RBFOX1: variants seen among roughly 807,000 people sequenced by gnomAD.
RBFOX1 encodes RNA binding protein fox-1 homolog 1.
RBFOX1 carries 8 observed loss-of-function variants against 57.7 expected under a neutral mutation model. That is an observed-to-expected ratio of 0.14 (90% CI 0.08 to 0.25). RBFOX1 has a LOEUF of 0.25. Among genes scored for constraint, RBFOX1 ranks in the 10% least tolerant of loss-of-function variants. RBFOX1 has a pLI of 1.00. For missense variants in RBFOX1, 611 were observed against 548.5 expected, an observed-to-expected ratio of 1.11 and a Z score of -1.14; for synonymous variants, 326 against 222.4, an observed-to-expected ratio of 1.47 and a Z score of -4.15.
At chr16:6,574,424 A>ATTTTTTT (rs34505014) in intron 2 of RBFOX1, among the ~76,000 whole-genome samples, 17 of 89,930 alleles carry the variant, frequency 1.9e-4, no homozygotes, top group East Asian at 3.6e-4. Context: ...CGTATCTTCT[A>ATTTTTTT]TTTTTTTTTT....
chr16:6,483,211 G>C, intron 2 of RBFOX1: 4 of 1,208,696 alleles, frequency 3.3e-6, no homozygotes, highest in Non-Finnish European at 4.1e-6. Flanking sequence ...AGGCCGGCCG[G>C]GGAAGCCGGA....
At chr16:7,015,391 A>C (rs988806038) in intron 3 of RBFOX1, among the ~76,000 whole-genome samples, 1 of 152,190 alleles carries the variant, frequency 6.6e-6, no homozygotes, top group Non-Finnish European at 1.5e-5. Context: ...TGGCAAAAAC[A>C]AAGAAACTTG....
rs147609677 is a variant in RBFOX1, at chr16:5,961,966, T to A, written c.351+94631T>A. 4.0e-3 allele frequency among the ~76,000 whole-genome samples: 612 copies of A among 152,330 alleles called. 6 individuals carry two copies. The highest frequency in any genetic ancestry group is 0.031 in the Middle Eastern group (9 of 294). On this transcript the variant is annotated intron_variant, in intron 4 of 19. Transcript: ENST00000641259. ...GATCCAGAAACAGGTAGGCTTTGATTAGTGTGGTAGCTCGATGAAGGTATT... is the reference window on the plus strand; with the variant it reads ...GATCCAGAAACAGGTAGGCTTTGATAAGTGTGGTAGCTCGATGAAGGTATT...
intron 4 of RBFOX1, among the ~76,000 whole-genome samples, chr16:7,467,307 C>T (rs1032545337): frequency 1.3e-5 from 2 of 152,082 alleles, no homozygotes; most frequent in African/African-American, 4.8e-5. Flanking sequence ...ATGGCTGTTG[C>T]AGGGGGTCTC....
At chr16:5,745,292 A>G (rs565833086) in intron 3 of RBFOX1, among the ~76,000 whole-genome samples, 10 of 152,348 alleles carry the variant, frequency 6.6e-5, no homozygotes, top group Non-Finnish European at 1.0e-4. Context: ...TTATGGCTGC[A>G]TAGTATCCCA....
intron 4 of RBFOX1, among the ~76,000 whole-genome samples, chr16:7,340,045 T>C (rs1004825572): frequency 2.6e-5 from 4 of 152,224 alleles, no homozygotes; most frequent in African/African-American, 9.6e-5. Context: ...TGCAGTCTCA[T>C]TGGTAGATCT....
chr16:6,231,062 C>G (rs1170796454), intron 1 of RBFOX1, among the ~76,000 whole-genome samples: 1 of 152,060 alleles, frequency 6.6e-6, no homozygotes. Flanking sequence ...CAGATAGAAA[C>G]TAATTAAAGA....
intron 4 of RBFOX1, among the ~76,000 whole-genome samples, chr16:7,084,737 C>T (rs896344774): frequency 1.3e-5 from 2 of 152,192 alleles, no homozygotes; most frequent in African/African-American, 2.4e-5. Context: ...CTGTAACTCT[C>T]ATTGCAGAAA....
chr16:7,456,603 A>G (rs1162391972), intron 4 of RBFOX1, among the ~76,000 whole-genome samples: 1 of 152,172 alleles, frequency 6.6e-6, no homozygotes, highest in East Asian at 1.9e-4. Flanking sequence ...GTTGCAGGCA[A>G]GGGGGTATTG....
chr16:6,641,758 AAAAAAAAAAAAAAAAAAAAAT>A (rs1432748985), intron 2 of RBFOX1, among the ~76,000 whole-genome samples: 5 of 23,524 alleles, frequency 2.1e-4, no homozygotes, highest in Admixed American at 5.6e-4. Context: ...AAAAAAAAAA[AAAAAAAAAAAAAAAAAAAAAT>A]AGGTTCTGCC....
At chr16:7,498,895 G>A (rs553501393) in intron 4 of RBFOX1, among the ~76,000 whole-genome samples, 6 of 152,178 alleles carry the variant, frequency 3.9e-5, no homozygotes, top group Non-Finnish European at 7.3e-5. Flanking sequence ...CTCCTCTGAA[G>A]TGTTAGTGTA....
intron 1 of RBFOX1, among the ~76,000 whole-genome samples, chr16:6,197,070 C>T (rs534187124): frequency 3.9e-5 from 6 of 152,196 alleles, no homozygotes; most frequent in South Asian, 2.1e-4. Flanking sequence ...TAAAAATGTC[C>T]ACCTAGCCAG....
In RBFOX1 at chr16:7,524,257, A is replaced by G. The variant is rs555314168; in HGVS notation, c.270+5868A>G. Reference sequence around the variant, plus strand: ...TTAACACAAAGTGCAGAATCTGTAAAAGGGAAGGAGGATGCACCCAGAGCT... The same window carrying G: ...TTAACACAAAGTGCAGAATCTGTAAGAGGGAAGGAGGATGCACCCAGAGCT... On this transcript the variant is annotated intron_variant, in intron 5 of 15. Coordinates refer to ENST00000550418, the MANE Select transcript of RBFOX1 (RefSeq NM_018723.4). 1.3e-3 allele frequency among the ~76,000 whole-genome samples: 199 copies of G among 152,312 alleles called. 1 individual carries two copies. The highest frequency in any genetic ancestry group is 4.5e-3 in the African/African-American group (187 of 41,570).
intron 4 of RBFOX1, among the ~76,000 whole-genome samples, chr16:5,966,387 A>C (rs1241889906): frequency 6.6e-6 from 1 of 152,222 alleles, no homozygotes; most frequent in Non-Finnish European, 1.5e-5. Context: ...AGAAGGCAAC[A>C]TGAGGGCTGA....
At chr16:7,033,352 T>C (rs574851464) in intron 3 of RBFOX1, among the ~76,000 whole-genome samples, 1 of 152,282 alleles carries the variant, frequency 6.6e-6, no homozygotes, top group East Asian at 1.9e-4. Flanking sequence ...AAACCCCGTC[T>C]CTACTAAAAA....
upstream of RBFOX1, among the ~76,000 whole-genome samples, chr16:6,015,935 G>T (rs921961220): frequency 6.6e-6 from 1 of 152,178 alleles, no homozygotes; most frequent in Non-Finnish European, 1.5e-5. Flanking sequence ...GGTTTACATG[G>T]GGGACTAGCC....
intron 5 of RBFOX1, among the ~76,000 whole-genome samples, chr16:7,563,558 C>G (rs1382347185): frequency 6.6e-6 from 1 of 152,152 alleles, no homozygotes; most frequent in Non-Finnish European, 1.5e-5. Flanking sequence ...ACCTCTGCCT[C>G]CCGGGTTCAG....
At chr16:7,545,278 A>T (rs546308539) in intron 5 of RBFOX1, among the ~76,000 whole-genome samples, 1 of 151,952 alleles carries the variant, frequency 6.6e-6, no homozygotes, top group South Asian at 2.1e-4. Flanking sequence ...TTCCTTTGAG[A>T]CACGAAGCCC....
At chr16:6,911,484 C>A (rs538778452) in intron 3 of RBFOX1, among the ~76,000 whole-genome samples, 1 of 152,238 alleles carries the variant, frequency 6.6e-6, no homozygotes, top group South Asian at 2.1e-4. Flanking sequence ...CCTTCACCTG[C>A]ATGTGTTCTC....
Sources: allele counts gnomAD v4.1 joint callset (sites outside exome capture counted in the v4.1 genomes callset), GRCh38; gene constraint gnomAD v4.1.1; transcripts MANE v1.5; gene names NCBI Gene and HGNC (gene_info 2026-07-23, HGNC 2026-07-21).